XRCC6: variants seen among roughly 807,000 people sequenced by gnomAD.
XRCC6 encodes X-ray repair cross complementing 6.
XRCC6 carries 5 observed loss-of-function variants against 65.7 expected under a neutral mutation model. The ratio of observed to expected loss-of-function variants is 0.08; its 90% CI spans 0.04 to 0.16. The LOEUF is 0.16. Ranked by LOEUF, XRCC6 falls within the 10% of genes least tolerant of loss-of-function variation. XRCC6 has a pLI of 1.00. For missense variants in XRCC6, 447 were observed against 738.1 expected (o/e 0.61, Z 4.57); for synonymous variants, 270 against 270.6 (o/e 1.00, Z 0.02).
intron 6 of XRCC6, 74 bp downstream of exon 6, chr22:41,637,865 C>T: frequency 2.0e-6 from 3 of 1,482,842 alleles, no homozygotes; most frequent in East Asian, 2.5e-5. Flanking sequence ...TGGCTCACAC[C>T]TGTAATCCCA....
chr22:41,663,612 T>C lies in XRCC6; in HGVS notation c.1637-10T>C. On this transcript the variant is annotated splice_polypyrimidine_tract_variant and intron_variant, in intron 12 of 12. Transcript: ENST00000360079. The stretch of plus-strand genomic sequence containing the variant: ...ATTTCCAGTCACTCTCTCCTGACCT[T>C]TCCCCCCAGATAATGAAGGTTCTGG... The C allele has an allele frequency of 6.2e-7, 1 of 1,609,630 alleles. No individual in the cohort carries two copies. Among genetic ancestry groups the C allele is most frequent in the Non-Finnish European group, 8.5e-7 (1 of 1,176,506 alleles).
chr22:41,653,176 G>GAGGATCACTTGAGCCTA (rs1165606135), intron 8 of XRCC6, among the ~76,000 whole-genome samples: 1 of 152,088 alleles, frequency 6.6e-6, no homozygotes, highest in Non-Finnish European at 1.5e-5. Flanking sequence ...GGCTGAGGCT[G>GAGGATCACTTGAGCCTA]GAGGATCACT....
intron 6 of XRCC6, among the ~76,000 whole-genome samples, chr22:41,644,521 G>T (rs1313554834): frequency 6.6e-6 from 1 of 152,084 alleles, no homozygotes; most frequent in Non-Finnish European, 1.5e-5. Flanking sequence ...GTCTTGGTCT[G>T]TCGTCCCAGG....
chr22:41,633,120 CTG>C (rs917541281), intron 3 of XRCC6, among the ~76,000 whole-genome samples: 39 of 151,426 alleles, frequency 2.6e-4, no homozygotes, highest in African/African-American at 8.7e-4. Context: ...GAGCCAGACT[CTG>C]TCTCAAAAAA....
At chr22:41,639,387 A>G (rs956060501) in intron 6 of XRCC6, among the ~76,000 whole-genome samples, 2 of 121,086 alleles carry the variant, frequency 1.7e-5, no homozygotes, top group Admixed American at 1.1e-4. Context: ...CCCAGGCCAG[A>G]GTGCAGTATG....
intron 6 of XRCC6, among the ~76,000 whole-genome samples, chr22:41,638,923 A>G (rs1251446353): frequency 6.6e-5 from 10 of 152,160 alleles, no homozygotes; most frequent in Admixed American, 4.6e-4. Context: ...ATGACTGCAT[A>G]CTTTTATATA....
chr22:41,653,502 C>A, intron 8 of XRCC6, 27 bp from the exon 9 acceptor site: 1 of 1,550,444 alleles, frequency 6.4e-7, no homozygotes, highest in Non-Finnish European at 8.8e-7. Flanking sequence ...TTTTAGGAGG[C>A]TAGTCACTGG....
At chr22:41,646,296 C>CTGT (rs1376682975) in intron 6 of XRCC6, among the ~76,000 whole-genome samples, 2 of 150,990 alleles carry the variant, frequency 1.3e-5, no homozygotes, top group Non-Finnish European at 2.9e-5. Context: ...GTGTGAGACT[C>CTGT]TGTCTCGAAA....
At chr22:41,661,883 G>A (rs2068103006) in intron 12 of XRCC6, among the ~76,000 whole-genome samples, 1 of 152,130 alleles carries the variant, frequency 6.6e-6, no homozygotes, top group Non-Finnish European at 1.5e-5. Flanking sequence ...TGTGGTACAC[G>A]TACACAATGG....
At chr22:41,651,361 ATTTTTT>A (rs764795746) in intron 8 of XRCC6, among the ~76,000 whole-genome samples, 1 of 49,758 alleles carries the variant, frequency 2.0e-5, no homozygotes, top group African/African-American at 6.2e-5. Flanking sequence ...AGTTAAACAG[ATTTTTT>A]TTTTTTTTTT....
intron 6 of XRCC6, among the ~76,000 whole-genome samples, chr22:41,640,394 C>T (rs1292041812): frequency 6.6e-6 from 1 of 152,132 alleles, no homozygotes; most frequent in Non-Finnish European, 1.5e-5. Context: ...TGTGATCCAC[C>T]CGCCTCAGCC....
rs112538237 is a variant in XRCC6 at position 41,656,595 on chromosome 22, C to T, written c.1292-308C>T. Among the ~76,000 whole-genome samples the T allele has an allele frequency of 1.3e-3, 192 of 152,162 alleles. 1 individual carries two copies. Among genetic ancestry groups the T allele is most frequent in the African/African-American group, 4.4e-3 (181 of 41,490 alleles). On this transcript the variant is annotated intron_variant, in intron 9 of 12. Coordinates refer to ENST00000360079, the MANE Select transcript of XRCC6 (RefSeq NM_001469.5). Reference sequence around the variant, plus strand: ...ACATGGACAAACATGTTTCAATTGACGGCAGTCAGGTTTGGTGCTGTCCGA... The same window carrying T: ...ACATGGACAAACATGTTTCAATTGATGGCAGTCAGGTTTGGTGCTGTCCGA...
intron 7 of XRCC6, among the ~76,000 whole-genome samples, chr22:41,649,140 ATAT>A (rs1455811504): frequency 3.3e-4 from 31 of 92,790 alleles, no homozygotes; most frequent in African/African-American, 1.7e-3. Flanking sequence ...AAAAAAAAAA[ATAT>A]ATATATATAT....
chr22:41,660,418 T>C (rs1343920620), intron 11 of XRCC6, among the ~76,000 whole-genome samples: 1 of 152,192 alleles, frequency 6.6e-6, no homozygotes, highest in Non-Finnish European at 1.5e-5. Flanking sequence ...TATCAGTAAG[T>C]CCTGCCAGTT....
intron 9 of XRCC6, among the ~76,000 whole-genome samples, chr22:41,654,230 T>G (rs1230481251): frequency 6.6e-6 from 1 of 152,144 alleles, no homozygotes; most frequent in Non-Finnish European, 1.5e-5. Flanking sequence ...ACCTTTCTGT[T>G]TAATATTCCT....
intron 12 of XRCC6, among the ~76,000 whole-genome samples, chr22:41,663,074 C>G (rs1340509579): frequency 1.3e-5 from 2 of 152,080 alleles, no homozygotes; most frequent in African/African-American, 4.8e-5. Context: ...GAGTGAGACT[C>G]CATCTCAAAA....
At chr22:41,659,820 G>T (rs1362262881) in intron 11 of XRCC6, among the ~76,000 whole-genome samples, 1 of 151,988 alleles carries the variant, frequency 6.6e-6, no homozygotes, top group Non-Finnish European at 1.5e-5. Context: ...GAGTAGCTGG[G>T]ATTACAGGCA....
At chr22:41,625,732 C>T (rs935818382) in intron 2 of XRCC6, among the ~76,000 whole-genome samples, 4 of 152,142 alleles carry the variant, frequency 2.6e-5, no homozygotes, top group Admixed American at 1.3e-4. Flanking sequence ...TGGGAGGCCA[C>T]GGCAGAGGAT....
chr22:41,648,169 C>T (rs2067955685), intron 7 of XRCC6: 1 of 151,538 alleles, frequency 6.6e-6, no homozygotes, highest in Admixed American at 6.6e-5. Context: ...TAGTTGTAAA[C>T]ACCACCGCAC....
Sources: gnomAD v4.1 joint callset for allele counts (sites outside exome capture counted in the v4.1 genomes callset) on GRCh38, gnomAD v4.1.1 for gene constraint, MANE v1.5 for transcripts, NCBI Gene and HGNC (gene_info 2026-07-23, HGNC 2026-07-21) for gene names.